Variants in ABCC1 observed in about 807,000 individuals in gnomAD.
ABCC1 encodes ATP binding cassette subfamily C member 1 (ABCC1 blood group).
Under a neutral mutation model 172.9 loss-of-function variants are expected in ABCC1, and 83 were observed. The observed-to-expected ratio is 0.48, with a 90% CI of 0.40 to 0.58. ABCC1 has a LOEUF of 0.58. Ranked by LOEUF, ABCC1 falls within the 20% of genes least tolerant of loss-of-function variation. The probability of loss-of-function intolerance (pLI) is 0.00; values close to 1 mark genes in which losing one functional copy is unlikely to be tolerated. For missense variants in ABCC1, 1,817 were observed against 2,002.7 expected, an observed-to-expected ratio of 0.91 and a Z score of 1.77; for synonymous variants, 937 against 825.2, an observed-to-expected ratio of 1.14 and a Z score of -2.32.
chr16:16,009,881 A>C lies in ABCC1; in HGVS notation c.331A>C (p.Thr111Pro), dbSNP rs2047709560. The C allele has an allele frequency of 4.3e-6, 7 of 1,609,432 alleles. No homozygotes were observed. In the East Asian group the frequency reaches 1.6e-4, roughly 36 times the overall value. ...GGCCCCAGTGTTTCTGGTCAGCCCA[A>C]CTCTCTTGGGCATCACCATGGTAAG... The part of the protein sequence containing the change: ...FLAPVFLVSP[T>P]LLGITMLLAT... The change falls in exon 3 of 31, where the codon ACT (threonine) becomes CCT (proline). Residue 111 changes from threonine to proline, a missense_variant. Transcript: ENST00000399410.
At chr16:16,046,834 C>G (rs982639306) in intron 9 of ABCC1, among the ~76,000 whole-genome samples, 1 of 150,018 alleles carries the variant, frequency 6.7e-6, no homozygotes, top group African/African-American at 2.5e-5. Flanking sequence ...GACAGTCTTG[C>G]AGGTACTTGA....
chr16:16,121,913 T>C, intron 23 of ABCC1, 62 bp from the exon 24 acceptor site: 1 of 1,576,334 alleles, frequency 6.3e-7, no homozygotes, highest in Non-Finnish European at 8.7e-7. Context: ...AGCACAGCCC[T>C]GCCCTGGGAG....
intron 7 of ABCC1, among the ~76,000 whole-genome samples, chr16:16,037,646 C>G (rs1263306963): frequency 6.6e-6 from 1 of 152,150 alleles, no homozygotes; most frequent in Non-Finnish European, 1.5e-5. Context: ...GGTAAGTTTA[C>G]TACGATAAAC....
chr16:16,129,825 A>C (rs2045605742), intron 26 of ABCC1, among the ~76,000 whole-genome samples: 1 of 152,164 alleles, frequency 6.6e-6, no homozygotes, highest in Non-Finnish European at 1.5e-5. Flanking sequence ...GGTGTGAGCC[A>C]CTGCGCCGGC....
chr16:15,982,972 C>T (rs2046661052), intron 1 of ABCC1, among the ~76,000 whole-genome samples: 1 of 151,964 alleles, frequency 6.6e-6, no homozygotes, highest in Non-Finnish European at 1.5e-5. Flanking sequence ...GTATTAGATA[C>T]TATATAGCAT....
intron 1 of ABCC1, among the ~76,000 whole-genome samples, chr16:16,001,419 C>T (rs905097207): frequency 2.0e-5 from 3 of 151,878 alleles, no homozygotes; most frequent in Admixed American, 6.6e-5. Context: ...TCACTGTGGT[C>T]TCGATCTGCT....
chr16:16,062,706 G>A (rs1276359146), intron 12 of ABCC1, among the ~76,000 whole-genome samples: 1 of 152,160 alleles, frequency 6.6e-6, no homozygotes, highest in African/African-American at 2.4e-5. Flanking sequence ...TCCCCTGGAA[G>A]GTGCCTGAGT....
intron 14 of ABCC1, among the ~76,000 whole-genome samples, chr16:16,072,997 G>A (rs1291134414): frequency 2.0e-5 from 3 of 150,356 alleles, no homozygotes; most frequent in South Asian, 4.2e-4. Context: ...AGCCAAGATC[G>A]CGCCACTGCA....
intron 1 of ABCC1, among the ~76,000 whole-genome samples, chr16:15,952,415 G>A (rs1211424463): frequency 6.6e-6 from 1 of 151,980 alleles, no homozygotes; most frequent in Non-Finnish European, 1.5e-5. Context: ...GGCCTCGGGT[G>A]ACTCTGTCAG....
At chr16:16,050,729 C>CAAAAAAAA (rs35207136) in intron 10 of ABCC1, among the ~76,000 whole-genome samples, 1 of 66,614 alleles carries the variant, frequency 1.5e-5, no homozygotes, top group Non-Finnish European at 3.0e-5. Context: ...CCTGTCTCTA[C>CAAAAAAAA]AAAAAAAAAA....
chr16:16,063,018 A>G (rs2049977543), intron 12 of ABCC1, among the ~76,000 whole-genome samples: 1 of 152,160 alleles, frequency 6.6e-6, no homozygotes, highest in South Asian at 2.1e-4. Flanking sequence ...CTCTATGGTA[A>G]TGATCTGTCC....
At chr16:16,056,834 T>G (rs2049677379) in intron 12 of ABCC1, among the ~76,000 whole-genome samples, 1 of 152,172 alleles carries the variant, frequency 6.6e-6, no homozygotes, top group Non-Finnish European at 1.5e-5. Context: ...AAGGAGCTTG[T>G]GCCAGAATGT....
intron 20 of ABCC1, among the ~76,000 whole-genome samples, chr16:16,103,539 C>T (rs2051879773): frequency 6.6e-6 from 1 of 152,170 alleles, no homozygotes; most frequent in Non-Finnish European, 1.5e-5. Context: ...GAGATTGCGC[C>T]ATGGCACTCC....
chr16:16,083,423 A>G lies in ABCC1; in HGVS notation c.2173A>G (p.Asn725Asp), dbSNP rs1481185550. Residue 725 changes from asparagine to aspartate, a missense_variant, in exon 17 of 31, where the codon AAC (asparagine) becomes GAC (aspartate). Transcript: ENST00000399410. ...GATTCAGAATGATTCTCTCCGAGAA[A>G]ACATCCTTTTTGGATGTCAGCTGGA... ...AWIQNDSLRE[N>D]ILFGCQLEEP... The G allele has an allele frequency of 6.2e-7, 1 of 1,613,940 alleles. No homozygotes were observed.
At chr16:16,024,562 A>G (rs1188776867) in intron 5 of ABCC1, among the ~76,000 whole-genome samples, 4 of 152,148 alleles carry the variant, frequency 2.6e-5, no homozygotes, top group African/African-American at 9.7e-5. Context: ...TATGTTACTC[A>G]GGCTGGTCTT....
chr16:16,118,424 C>CTTTTTTTTTTTTT (rs34770208), intron 23 of ABCC1, among the ~76,000 whole-genome samples: 1 of 105,998 alleles, frequency 9.4e-6, no homozygotes, highest in African/African-American at 3.7e-5. Context: ...TTGGTGCCAG[C>CTTTTTTTTTTTTT]TTTTTTTTTT....
chr16:16,079,281 C>T (rs1441574912), intron 15 of ABCC1, 71 bp from the exon 16 acceptor site: 84 of 1,582,902 alleles, frequency 5.3e-5, no homozygotes, highest in Non-Finnish European at 7.0e-5. Context: ...AATTGAGGCT[C>T]GGTGGCCATG....
chr16:16,044,891 C>A (rs1343663225), intron 8 of ABCC1, among the ~76,000 whole-genome samples: 1 of 152,142 alleles, frequency 6.6e-6, no homozygotes, highest in Non-Finnish European at 1.5e-5. Flanking sequence ...TTCAAGCGAT[C>A]CTCCTGCCTC....
intron 20 of ABCC1, among the ~76,000 whole-genome samples, chr16:16,104,748 G>T (rs967713207): frequency 5.9e-5 from 9 of 152,168 alleles, no homozygotes; most frequent in Non-Finnish European, 1.5e-5. Context: ...CTCGGGCCGC[G>T]CAGGAGCCCA....
Sources: gnomAD v4.1 joint callset for allele counts (sites outside exome capture counted in the v4.1 genomes callset) on GRCh38, gnomAD v4.1.1 for gene constraint, MANE v1.5 for transcripts, NCBI Gene and HGNC (gene_info 2026-07-23, HGNC 2026-07-21) for gene names.